Variants in UIMC1 observed in about 807,000 individuals in gnomAD.
UIMC1 encodes ubiquitin interaction motif containing 1.
A neutral mutation model predicts 84.9 loss-of-function variants in UIMC1; 42 were observed. The ratio of observed to expected loss-of-function variants is 0.49; its 90% confidence interval spans 0.39 to 0.64. The LOEUF (loss-of-function observed/expected upper bound fraction) is 0.64. Ranked by LOEUF, UIMC1 falls within the 30% of genes least tolerant of loss-of-function variation. UIMC1 has a pLI of 0.00. For synonymous variants in UIMC1, 281 were observed against 293.0 expected, an observed-to-expected ratio of 0.96 and a Z score of 0.42; for missense variants, 825 against 847.6, an observed-to-expected ratio of 0.97 and a Z score of 0.33.
intron 1 of UIMC1, among the ~76,000 whole-genome samples, chr5:176,988,130 CAAAAA>C (rs35059681): frequency 2.2e-5 from 2 of 90,208 alleles, no homozygotes; most frequent in African/African-American, 4.2e-5. Context: ...CGCCCCTGTC[CAAAAA>C]AAAAAAAAAA....
intron 6 of UIMC1, among the ~76,000 whole-genome samples, chr5:176,960,130 C>CA (rs1489335597): frequency 6.6e-6 from 1 of 152,132 alleles, no homozygotes; most frequent in Non-Finnish European, 1.5e-5. Flanking sequence ...ACTTAAGAAG[C>CA]AAAAACCATT....
intron 10 of UIMC1, among the ~76,000 whole-genome samples, chr5:176,926,114 A>G (rs1762360875): frequency 6.6e-6 from 1 of 152,140 alleles, no homozygotes; most frequent in Non-Finnish European, 1.5e-5. Context: ...ACGGAGGGAA[A>G]AAGACTGGGG....
At chr5:176,935,425 T>C (rs966018499) in intron 10 of UIMC1, among the ~76,000 whole-genome samples, 4 of 152,208 alleles carry the variant, frequency 2.6e-5, no homozygotes, top group African/African-American at 9.6e-5. Context: ...ATTACAGTTA[T>C]GCATGTTCAT....
chr5:176,943,323 C>A lies in UIMC1; in HGVS notation c.1597+12G>T. The A allele has an allele frequency of 6.2e-7, 1 of 1,612,150 alleles. No homozygotes were observed. The highest frequency in any genetic ancestry group is 8.5e-7 in the Non-Finnish European group (1 of 1,179,248). The stretch of plus-strand genomic sequence containing the variant: ...AAAAAGTAAGAGTTTGGCTGTCCTG[C>A]TGGGTCTTTACCTGTATCTTCCTCC... On this transcript the variant is annotated intron_variant, in intron 10 of 14. Transcript: ENST00000511320.
At chr5:176,969,794 C>G (rs936448270) in intron 4 of UIMC1, 88 bp from the exon 5 acceptor site, 2 of 1,064,394 alleles carry the variant, frequency 1.9e-6, no homozygotes, top group South Asian at 2.8e-5. Context: ...TGGGAGGCCA[C>G]CGTTCATAAG....
intron 1 of UIMC1, among the ~76,000 whole-genome samples, chr5:176,987,401 T>TTTAGGAGGCTGAGGCTGGTG (rs1157339169): frequency 6.6e-6 from 1 of 152,030 alleles, no homozygotes; most frequent in East Asian, 1.9e-4. Flanking sequence ...ATCCCAGCAC[T>TTTAGGAGGCTGAGGCTGGTG]TTAGGAGGCT....
In UIMC1 at chr5:176,984,079, G is replaced by A. The variant is rs1385979200; in HGVS notation, c.-8-1456C>T. Among the ~76,000 whole-genome samples, 57 of 99,596 alleles carry A rather than the reference G, an allele frequency of 5.7e-4. 1 individual carries two copies. The highest frequency in any genetic ancestry group is 8.3e-4 in the Non-Finnish European group (42 of 50,464). The allele number at this position is 99,596 out of a possible 152,430, so 65.3% of individuals were successfully genotyped here. ...AGGAGTGCCTCTGCCCGGCCGCCCC[G>A]TCTGGGAAGTGAGGAGTGCCTCTGC... On this transcript the variant is annotated intron_variant, in intron 1 of 14. Transcript: ENST00000511320.
chr5:176,915,630 A>G (rs375450843), intron 10 of UIMC1, among the ~76,000 whole-genome samples: 8 of 151,262 alleles, frequency 5.3e-5, no homozygotes, highest in African/African-American at 1.9e-4. Flanking sequence ...TAATTTTTGT[A>G]TTTTTAGTAG....
intron 10 of UIMC1, among the ~76,000 whole-genome samples, chr5:176,912,548 C>G (rs1314121143): frequency 1.3e-5 from 2 of 151,178 alleles, no homozygotes; most frequent in Non-Finnish European, 2.9e-5. Flanking sequence ...TCTCAGCTCA[C>G]TGCAACCTCT....
At chr5:176,970,644 A>G (rs746741176) in intron 4 of UIMC1, 98 bp downstream of exon 4, 1 of 1,588,348 alleles carries the variant, frequency 6.3e-7, no homozygotes, top group South Asian at 1.1e-5. Flanking sequence ...AAAACCCTAT[A>G]AATGACTACA....
At chr5:176,907,865 C>A (rs1280632893) in intron 12 of UIMC1, among the ~76,000 whole-genome samples, 2 of 152,272 alleles carry the variant, frequency 1.3e-5, no homozygotes, top group East Asian at 3.9e-4. Context: ...AGTTCCGTAT[C>A]AGAAAATGTA....
intron 10 of UIMC1, among the ~76,000 whole-genome samples, chr5:176,928,882 C>T (rs1007425354): frequency 2.0e-5 from 3 of 151,566 alleles, no homozygotes; most frequent in Admixed American, 2.0e-4. Context: ...ACCCAGGAGG[C>T]GGAGCTTGCA....
intron 2 of UIMC1, among the ~76,000 whole-genome samples, chr5:176,977,009 G>A (rs779556909): frequency 1.9e-4 from 29 of 152,096 alleles, no homozygotes; most frequent in Non-Finnish European, 4.1e-4. Context: ...GATCACCTGA[G>A]GTCAGGAGGT....
intron 10 of UIMC1, among the ~76,000 whole-genome samples, chr5:176,915,546 C>T (rs1760861984): frequency 6.6e-6 from 1 of 151,314 alleles, no homozygotes; most frequent in African/African-American, 2.4e-5. Flanking sequence ...ACCTCTGCCT[C>T]CCAGGTTCAA....
chr5:176,973,395 T>C (rs1305681353), intron 3 of UIMC1, among the ~76,000 whole-genome samples: 3 of 151,756 alleles, frequency 2.0e-5, no homozygotes, highest in Non-Finnish European at 4.4e-5. Context: ...AAAAATATCA[T>C]GGGGATGGCA....
intron 10 of UIMC1, among the ~76,000 whole-genome samples, chr5:176,927,213 A>G (rs1160812070): frequency 3.7e-5 from 5 of 134,798 alleles, no homozygotes; most frequent in Non-Finnish European, 6.4e-5. Context: ...AAAGAAAAAA[A>G]AAAAAAAAAA....
chr5:176,995,679 T>C (rs867088438), intron 1 of UIMC1, among the ~76,000 whole-genome samples: 1 of 150,256 alleles, frequency 6.7e-6, no homozygotes, highest in Non-Finnish European at 1.5e-5. Context: ...CCATCTCTAC[T>C]ACAAACACAA....
chr5:176,968,379 A>C (rs1211720431), intron 6 of UIMC1, among the ~76,000 whole-genome samples, 176 bp downstream of exon 6: 1 of 152,144 alleles, frequency 6.6e-6, no homozygotes, highest in African/African-American at 2.4e-5. Flanking sequence ...ACTCAAAAAA[A>C]AAAAAATGGT....
intron 2 of UIMC1, among the ~76,000 whole-genome samples, chr5:176,978,620 A>G (rs984133862): frequency 1.3e-5 from 2 of 152,120 alleles, no homozygotes; most frequent in South Asian, 4.1e-4. Flanking sequence ...CAAAACTCCT[A>G]AATAATATAT....
Sources: allele counts gnomAD v4.1 joint callset (sites outside exome capture counted in the v4.1 genomes callset), GRCh38; gene constraint gnomAD v4.1.1; transcripts MANE v1.5; gene names NCBI Gene and HGNC (gene_info 2026-07-23, HGNC 2026-07-21).